The following CACNG2 variants were observed in gnomAD, a reference collection of about 807,000 sequenced individuals.
The protein encoded by CACNG2 is voltage-dependent calcium channel gamma-2 subunit.
CACNG2 carries 3 observed loss-of-function variants against 25.9 expected under a neutral mutation model. The ratio of observed to expected loss-of-function variants is 0.12; its 90% CI spans 0.05 to 0.30. The LOEUF (loss-of-function observed/expected upper bound fraction) is 0.30, where lower values mean the gene tolerates loss of function less well. CACNG2 is among the 10% of genes least tolerant of loss of function. The pLI, the probability that CACNG2 is intolerant of heterozygous loss-of-function variation, is 1.00. For missense variants in CACNG2, 341 were observed against 432.5 expected (o/e 0.79, Z 1.88); for synonymous variants, 167 against 173.3 (o/e 0.96, Z 0.29).
chr22:36,577,581 C>T (rs922718543), intron 2 of CACNG2, among the ~76,000 whole-genome samples: 7 of 142,508 alleles, frequency 4.9e-5, no homozygotes, highest in South Asian at 2.3e-4. Context: ...ACCGGGGAGG[C>T]GGAGGTTGCA....
chr22:36,568,948 T>A (rs1242947867), intron 2 of CACNG2, among the ~76,000 whole-genome samples: 1 of 152,028 alleles, frequency 6.6e-6, no homozygotes, highest in East Asian at 1.9e-4. Context: ...ATGGGGCTGC[T>A]CCTCCACAGA....
intron 1 of CACNG2, among the ~76,000 whole-genome samples, chr22:36,677,640 G>T (rs1043821410): frequency 2.0e-5 from 3 of 152,190 alleles, no homozygotes; most frequent in African/African-American, 7.2e-5. Flanking sequence ...GAGATAGCAG[G>T]TCACGAGTGT....
intron 1 of CACNG2, among the ~76,000 whole-genome samples, chr22:36,698,203 T>C: frequency 6.6e-6 from 1 of 152,278 alleles, no homozygotes; most frequent in Admixed American, 6.5e-5. Context: ...TCTTTCTCTC[T>C]CTCTCGATCA....
intron 1 of CACNG2, among the ~76,000 whole-genome samples, chr22:36,610,221 T>C (rs769664183): frequency 6.6e-6 from 1 of 150,872 alleles, no homozygotes; most frequent in African/African-American, 2.4e-5. Context: ...TAGAGCGTGA[T>C]TGGGCAGGAA....
chr22:36,622,946 C>T (rs180671399), intron 1 of CACNG2, among the ~76,000 whole-genome samples: 1 of 143,662 alleles, frequency 7.0e-6, no homozygotes, highest in African/African-American at 2.6e-5. Flanking sequence ...GCAACAAGAG[C>T]AAAACTCCGT....
chr22:36,702,546 G>A lies in CACNG2; in HGVS notation c.31C>T (p.Leu11Phe), dbSNP rs1170578918. 1 of 1,614,036 alleles carries A rather than the reference G, an allele frequency of 6.2e-7. No individual in the cohort carries two copies. The highest frequency in any genetic ancestry group is 1.1e-5 in the South Asian group (1 of 91,082). Residue 11 changes from leucine to phenylalanine, a missense_variant, in exon 1 of 4, where the codon CTT becomes TTT. This residue lies in a region of CACNG2 where 169 missense variants were observed against 254.4 expected (regional missense o/e 0.66). Coordinates refer to ENST00000300105, the MANE Select transcript of CACNG2 (RefSeq NM_006078.5). Reference sequence around the variant, plus strand: ...GCGAAAGCACCAACGGTGGTTAAAAGCATTTGAACACCTCGATCAAACAGC... The same window carrying A: ...GCGAAAGCACCAACGGTGGTTAAAAACATTTGAACACCTCGATCAAACAGC... MGLFDRGVQM[L>F]LTTVGAFAAF...
At position 36,618,430 on chromosome 22, in the gene CACNG2, C is replaced by T. The variant is rs537386389; in HGVS notation, c.212-30882G>A. ...GGGAGACAGGTGGCAGCTGTATGGC[C>T]TAAGCGCCGGCTCTACCTCTCTGCC... On this transcript the variant is annotated intron_variant, in intron 1 of 3. Transcript: ENST00000300105. Among the ~76,000 whole-genome samples, 10 of 152,366 alleles carry T rather than the reference C, an allele frequency of 6.6e-5. No homozygotes were observed. The South Asian group carries it at 1.9e-3, about 28-fold the overall frequency.
chr22:36,583,921 G>A (rs1165168309), intron 2 of CACNG2, among the ~76,000 whole-genome samples: 2 of 152,178 alleles, frequency 1.3e-5, no homozygotes, highest in African/African-American at 2.4e-5. Flanking sequence ...CTGGGCTCCT[G>A]CAAGACCAGC....
chr22:36,623,651 G>A (rs1603501922), intron 1 of CACNG2, among the ~76,000 whole-genome samples: 1 of 152,090 alleles, frequency 6.6e-6, no homozygotes, highest in Non-Finnish European at 1.5e-5. Flanking sequence ...GAAAGAGTGA[G>A]GGTTGAGCCA....
At chr22:36,654,033 G>T (rs551593458) in intron 1 of CACNG2, among the ~76,000 whole-genome samples, 27 of 148,342 alleles carry the variant, frequency 1.8e-4, no homozygotes, top group Admixed American at 1.7e-3. Context: ...TGCGCATTTG[G>T]GGGGTACTTT....
Position 36,700,887 on chromosome 22 carries a change from A to G in CACNG2, c.211+1479T>C, listed in dbSNP as rs1455535423. ...CATCGCTCAATGAAGTCACTTAGCT[A>G]TTCAAAACATGTTCAGCCATCACTC... On this transcript the variant is annotated intron_variant, in intron 1 of 3. Coordinates refer to ENST00000300105, the MANE Select transcript of CACNG2 (RefSeq NM_006078.5). Among the ~76,000 whole-genome samples the G allele has an allele frequency of 2.0e-5, 3 of 152,228 alleles. 1 individual carries two copies. In the East Asian group the frequency reaches 5.8e-4, roughly 29 times the overall value.
At chr22:36,577,434 G>C (rs184372145) in intron 2 of CACNG2, among the ~76,000 whole-genome samples, 2,074 of 151,852 alleles carry the variant, frequency 0.014, 16 homozygotes, top group Non-Finnish European at 0.02. Context: ...GGTGGATCAC[G>C]AGGTCAAGAG....
chr22:36,672,633 TCTC>T (rs1169180653), intron 1 of CACNG2, among the ~76,000 whole-genome samples: 1 of 152,062 alleles, frequency 6.6e-6, no homozygotes, highest in Non-Finnish European at 1.5e-5. Flanking sequence ...CACTTTCCGT[TCTC>T]CTCCAGTTCT....
chr22:36,612,146 C>A (rs1013589266), intron 1 of CACNG2, among the ~76,000 whole-genome samples: 1 of 152,102 alleles, frequency 6.6e-6, no homozygotes, highest in South Asian at 2.1e-4. Context: ...CTGGAAGAAC[C>A]AGCCTGTGTG....
chr22:36,683,530 T>C (rs558205981), intron 1 of CACNG2, among the ~76,000 whole-genome samples: 13 of 152,282 alleles, frequency 8.5e-5, no homozygotes, highest in African/African-American at 3.1e-4. Context: ...CTTTTTGTCA[T>C]TATTGTTATG....
At chr22:36,655,034 A>T (rs779062934) in intron 1 of CACNG2, among the ~76,000 whole-genome samples, 5 of 151,844 alleles carry the variant, frequency 3.3e-5, no homozygotes, top group South Asian at 4.2e-4. Flanking sequence ...GAGGGGGGAA[A>T]ACAGAATGCT....
At chr22:36,643,328 GTC>G (rs753233612) in intron 1 of CACNG2, among the ~76,000 whole-genome samples, 7 of 141,292 alleles carry the variant, frequency 5.0e-5, no homozygotes, top group African/African-American at 1.9e-4. Flanking sequence ...CTCTTTCTCT[GTC>G]TCTCTCTCTC....
intron 1 of CACNG2, among the ~76,000 whole-genome samples, chr22:36,631,786 A>G (rs1936276757): frequency 7.0e-6 from 1 of 142,314 alleles, no homozygotes. Flanking sequence ...GTGTTTTCTT[A>G]CCTGCAACTC....
chr22:36,632,102 C>T (rs757364558), intron 1 of CACNG2, among the ~76,000 whole-genome samples: 74 of 152,064 alleles, frequency 4.9e-4, no homozygotes, highest in Non-Finnish European at 3.7e-4. Context: ...ATTTACAACT[C>T]GAAAGGAGAG....
Sources: allele counts gnomAD v4.1 joint callset (sites outside exome capture counted in the v4.1 genomes callset), GRCh38; gene constraint gnomAD v4.1.1; regional missense constraint gnomAD v4.1.1; transcripts MANE v1.5; gene names NCBI Gene and HGNC (gene_info 2026-07-23, HGNC 2026-07-21).